Variants in BBX observed in about 807,000 individuals in gnomAD.
The protein encoded by BBX is BBX high mobility group box domain containing.
Under a neutral mutation model 100.2 loss-of-function variants are expected in BBX, and 30 were observed. The ratio of observed to expected loss-of-function variants is 0.30; its 90% CI spans 0.22 to 0.41. The LOEUF is 0.41. Ranked by LOEUF, BBX falls within the 10% of genes least tolerant of loss-of-function variation. BBX has a pLI of 1.00. For synonymous variants in BBX, 376 were observed against 388.1 expected (o/e 0.97, Z 0.37); for missense variants, 1,023 against 1,129.8 (o/e 0.91, Z 1.35).
chr3:107,607,054 T>G (rs2054500973), intron 2 of BBX, among the ~76,000 whole-genome samples: 1 of 152,194 alleles, frequency 6.6e-6, no homozygotes, highest in African/African-American at 2.4e-5. Context: ...GCTTATTAAC[T>G]TAATGACCTC....
At chr3:107,768,999 G>C (rs1200192308) in intron 10 of BBX, among the ~76,000 whole-genome samples, 4 of 86,102 alleles carry the variant, frequency 4.6e-5, no homozygotes, top group Non-Finnish European at 1.1e-4. Flanking sequence ...TTCTCTACGG[G>C]TGGGGGGCGG....
intron 6 of BBX, 93 bp downstream of exon 6, chr3:107,729,053 T>TATTGC: frequency 7.7e-7 from 1 of 1,296,096 alleles, no homozygotes; most frequent in Non-Finnish European, 1.1e-6. Context: ...GGGGACAAAA[T>TATTGC]TTATAACCAA....
chr3:107,606,791 A>G (rs1306073350), intron 2 of BBX, among the ~76,000 whole-genome samples: 2 of 152,170 alleles, frequency 1.3e-5, no homozygotes, highest in African/African-American at 4.8e-5. Flanking sequence ...CCTTTGTGTT[A>G]CAAACAATCC....
chr3:107,535,141 C>G (rs2048403166), intron 2 of BBX, among the ~76,000 whole-genome samples: 1 of 152,336 alleles, frequency 6.6e-6, no homozygotes, highest in South Asian at 2.1e-4. Context: ...TGCAGTGCCA[C>G]AATCTCCTGA....
chr3:107,621,315 C>T (rs571304137), intron 2 of BBX, among the ~76,000 whole-genome samples: 2 of 152,216 alleles, frequency 1.3e-5, no homozygotes, highest in East Asian at 3.9e-4. Flanking sequence ...GGAAACGTAC[C>T]ACTGTGTTGT....
rs549984703 is a variant in BBX at position 107,676,357 on chromosome 3, T to C, written c.-10+30448T>C. 2.0e-5 allele frequency among the ~76,000 whole-genome samples: 3 copies of C among 152,318 alleles called. No homozygotes were observed. The South Asian group carries it at 6.2e-4, about 32-fold the overall frequency. On this transcript the variant is annotated intron_variant, in intron 3 of 17. Transcript: ENST00000325805. ...TTCATTAATACCATTTAATTGATCA[T>C]AACTTGTGTTACTGCCACCCTGATG...
At chr3:107,703,458 G>T (rs563798489) in intron 3 of BBX, among the ~76,000 whole-genome samples, 15 of 152,108 alleles carry the variant, frequency 9.9e-5, no homozygotes, top group Non-Finnish European at 2.1e-4. Flanking sequence ...GCTAAGTGTC[G>T]TGGAGTGCAG....
intron 2 of BBX, among the ~76,000 whole-genome samples, chr3:107,564,258 G>A (rs1274867896): frequency 6.6e-6 from 1 of 151,950 alleles, no homozygotes; most frequent in Non-Finnish European, 1.5e-5. Context: ...ATTTTTGAAT[G>A]AGCTTTACAT....
chr3:107,586,925 A>T, intron 2 of BBX, among the ~76,000 whole-genome samples: 1 of 151,744 alleles, frequency 6.6e-6, no homozygotes, highest in Admixed American at 6.6e-5. Context: ...TAATTTTTGT[A>T]TTTTTAGTAG....
chr3:107,635,122 A>T (rs140133592), intron 2 of BBX, among the ~76,000 whole-genome samples: 1 of 138,694 alleles, frequency 7.2e-6, no homozygotes, highest in Non-Finnish European at 1.5e-5. Flanking sequence ...ATTACCATCT[A>T]TAAAAATAAC....
intron 3 of BBX, among the ~76,000 whole-genome samples, chr3:107,661,020 C>T (rs894631439): frequency 1.3e-5 from 2 of 152,122 alleles, no homozygotes; most frequent in Non-Finnish European, 2.9e-5. Context: ...ATCATTAAGA[C>T]TGAAATTACA....
chr3:107,526,147 C>T (rs1421253492), intron 1 of BBX, among the ~76,000 whole-genome samples, 180 bp from the exon 2 acceptor site: 1 of 152,146 alleles, frequency 6.6e-6, no homozygotes, highest in Non-Finnish European at 1.5e-5. Flanking sequence ...CGGGGAGCTT[C>T]TTTGCCTTCT....
chr3:107,674,931 C>G (rs78330738), intron 3 of BBX: 1 of 151,540 alleles, frequency 6.6e-6, no homozygotes, highest in Admixed American at 6.6e-5. Context: ...TCTCCAGACA[C>G]GAAAGAGGGA....
chr3:107,728,817 C>T lies in BBX; in HGVS notation c.458C>T (p.Thr153Ile). 1 of 1,613,798 alleles carries T rather than the reference C, an allele frequency of 6.2e-7. No homozygotes were observed. Among genetic ancestry groups the T allele is most frequent in the Non-Finnish European group, 8.5e-7 (1 of 1,179,824 alleles). Residue 153 changes from threonine to isoleucine, a missense_variant, in exon 6 of 18, where the codon ACA becomes ATA. This residue lies in a region of BBX where 229 missense variants were observed against 226.3 expected (regional missense o/e 1.01). Coordinates refer to ENST00000325805, the MANE Select transcript of BBX (RefSeq NM_001142568.3). The part of the protein sequence containing the change: ...ANPGYKWCPT[T>I]NKPVKSPTPT... ...CCTGGCTACAAATGGTGTCCTACCA[C>T]AAACAAGCCTGTGAAATCCCCAACA...
chr3:107,717,655 A>C (rs969864500), intron 5 of BBX, among the ~76,000 whole-genome samples: 3 of 152,158 alleles, frequency 2.0e-5, no homozygotes, highest in African/African-American at 4.8e-5. Flanking sequence ...CTATTCAGAA[A>C]GGTGGGACAT....
chr3:107,768,265 G>A (rs1187786910), intron 10 of BBX, among the ~76,000 whole-genome samples: 2 of 152,178 alleles, frequency 1.3e-5, no homozygotes, highest in Non-Finnish European at 2.9e-5. Context: ...GTATAGTTAC[G>A]GTTGGTCATA....
At chr3:107,674,256 TTTAG>T (rs1478433996) in intron 3 of BBX, among the ~76,000 whole-genome samples, 1 of 152,140 alleles carries the variant, frequency 6.6e-6, no homozygotes, top group African/African-American at 2.4e-5. Flanking sequence ...TCTTGATTCT[TTTAG>T]TAAGTACCGT....
chr3:107,625,747 C>T (rs187452154), intron 2 of BBX, among the ~76,000 whole-genome samples: 53 of 152,256 alleles, frequency 3.5e-4, no homozygotes, highest in African/African-American at 1.1e-3. Context: ...AAAAACTTCA[C>T]CATATAGGTG....
At chr3:107,716,506 T>C in intron 4 of BBX, 101 bp from the exon 5 acceptor site, 1 of 1,404,808 alleles carries the variant, frequency 7.1e-7, no homozygotes, top group Middle Eastern at 1.8e-4. Flanking sequence ...GTTGTTTAAA[T>C]GGAGCTAAGA....
Sources: allele counts gnomAD v4.1 joint callset (sites outside exome capture counted in the v4.1 genomes callset), GRCh38; gene constraint gnomAD v4.1.1; regional missense constraint gnomAD v4.1.1; transcripts MANE v1.5; gene names NCBI Gene and HGNC (gene_info 2026-07-23, HGNC 2026-07-21).